The following ADAMTS2 variants were observed in gnomAD, a reference collection of about 807,000 sequenced individuals.
ADAMTS2 encodes the protein A disintegrin and metalloproteinase with thrombospondin motifs 2.
In ADAMTS2, 50 loss-of-function variants were observed where a neutral mutation model predicts 123.0. That is an observed-to-expected ratio of 0.41 (90% CI 0.32 to 0.51). The LOEUF is 0.51. Ranked by LOEUF, ADAMTS2 falls within the 20% of genes least tolerant of loss-of-function variation. ADAMTS2 has a pLI of 0.35. For synonymous variants in ADAMTS2, 678 were observed against 695.4 expected (o/e 0.98, Z 0.39); for missense variants, 1,494 against 1,705.2 (o/e 0.88, Z 2.18).
chr5:179,284,292 G>T (rs1434076186), intron 2 of ADAMTS2, among the ~76,000 whole-genome samples: 1 of 151,802 alleles, frequency 6.6e-6, no homozygotes, highest in Admixed American at 6.6e-5. Context: ...TTGCATCACT[G>T]CACTCCATTC....
Position 179,113,778 on chromosome 5 carries a change from A to T in ADAMTS2, c.*89T>A. On this transcript the variant is annotated 3_prime_UTR_variant, in exon 22 of 22. Transcript: ENST00000251582. ...AAACCTTTTGGAATCAGGAATTTTGACTTCATCTCCATGACACAGGATTTG... is the reference window on the plus strand; with the variant it reads ...AAACCTTTTGGAATCAGGAATTTTGTCTTCATCTCCATGACACAGGATTTG... 7.4e-7 allele frequency: 1 copy of T among 1,355,272 alleles called. No individual in the cohort carries two copies. The highest frequency in any genetic ancestry group is 1.1e-6 in the Non-Finnish European group (1 of 950,186). 84.0% of individuals were successfully genotyped at this position (1,355,272 alleles called of 1,614,324 possible).
chr5:179,125,004 G>A lies in ADAMTS2; in HGVS notation c.2927C>T (p.Pro976Leu). ...SRRACSRELC[P>L]GRWRAGPWSQ... ...CCAGGGCCCGGCTCGCCAACGACCA[G>A]GGCAGAGCTCGCGGCTGCAGGCCCG... Residue 976 changes from proline (P) to leucine (L), a missense_variant, in exon 19 of 22, where the codon CCT (proline) becomes CTT (leucine). Physicochemically the swap from Pro to Leu is moderately conservative, Grantham distance 98 (BLOSUM62 -3). Coordinates refer to ENST00000251582, the MANE Select transcript of ADAMTS2 (RefSeq NM_014244.5). The A allele has an allele frequency of 6.2e-7, 1 of 1,607,234 alleles. No homozygotes were observed. Among genetic ancestry groups the A allele is most frequent in the Non-Finnish European group, 8.5e-7 (1 of 1,178,526 alleles).
At chr5:179,210,956 C>A (rs990420647) in intron 3 of ADAMTS2, among the ~76,000 whole-genome samples, 1 of 152,262 alleles carries the variant, frequency 6.6e-6, no homozygotes, top group Admixed American at 6.5e-5. Flanking sequence ...CTGGCCCTTG[C>A]AGACCTGTTC....
chr5:179,126,308 CG>C (rs914099348), intron 17 of ADAMTS2, among the ~76,000 whole-genome samples, 178 bp from the exon 18 acceptor site: 32 of 152,286 alleles, frequency 2.1e-4, no homozygotes, highest in African/African-American at 7.7e-4. Context: ...TGGTGTGTCC[CG>C]GGTGGAGGGG....
At chr5:179,186,740 C>A (rs1764179967) in intron 4 of ADAMTS2, among the ~76,000 whole-genome samples, 2 of 152,258 alleles carry the variant, frequency 1.3e-5, no homozygotes, top group South Asian at 4.1e-4. Flanking sequence ...CACATGCCTG[C>A]CTCCTGCACA....
In ADAMTS2 at chr5:179,313,660, G is replaced by A. The variant is rs1664548; in HGVS notation, c.534+30107C>T. Reference sequence around the variant, plus strand: ...CACCGAGACAGAGGAGGGCCTGGCCGGAGCAGGGGTGTCAGCAGAGAGGAC... The same window carrying A: ...CACCGAGACAGAGGAGGGCCTGGCCAGAGCAGGGGTGTCAGCAGAGAGGAC... On this transcript the variant is annotated intron_variant, in intron 2 of 21. Transcript: ENST00000251582. Among the ~76,000 whole-genome samples the A allele has an allele frequency of 5.1e-3, 64 of 12,510 alleles. 5 individuals carry two copies. Among genetic ancestry groups the A allele is most frequent in the African/African-American group, 0.01 (54 of 5,344 alleles). 8.2% of individuals were successfully genotyped at this position (12,510 alleles called of 152,430 possible).
At chr5:179,141,927 A>AGAG (rs1485496652) in intron 10 of ADAMTS2, among the ~76,000 whole-genome samples, 1 of 152,100 alleles carries the variant, frequency 6.6e-6, no homozygotes, top group Non-Finnish European at 1.5e-5. Context: ...CTTATAGGGT[A>AGAG]GAGGTTCCAT....
chr5:179,226,120 A>T (rs1330445606), intron 3 of ADAMTS2, among the ~76,000 whole-genome samples: 1 of 152,220 alleles, frequency 6.6e-6, no homozygotes, highest in Non-Finnish European at 1.5e-5. Context: ...TGCGAGGAGG[A>T]CAAGAGAACT....
chr5:179,208,349 G>C (rs11950051), intron 3 of ADAMTS2, among the ~76,000 whole-genome samples: 12 of 152,106 alleles, frequency 7.9e-5, no homozygotes, highest in Admixed American at 6.5e-4. Context: ...CCACTGAAGC[G>C]AGGCCCCACA....
At chr5:179,173,032 C>T (rs1188252770) in intron 5 of ADAMTS2, among the ~76,000 whole-genome samples, 1 of 149,860 alleles carries the variant, frequency 6.7e-6, no homozygotes, top group Non-Finnish European at 1.5e-5. Context: ...GAGTGAGACC[C>T]TGTCTCTACA....
chr5:179,112,432 C>A lies in ADAMTS2; in HGVS notation c.*1435G>T, dbSNP rs1483944171. The A allele has an allele frequency of 6.6e-6, 1 of 152,134 alleles. No homozygotes were observed. The highest frequency in any genetic ancestry group is 6.5e-5 in the Admixed American group (1 of 15,270). The allele number at this position is 152,134 out of a possible 1,614,324, so 9.4% of individuals were successfully genotyped here. ...TCTTCTCCCATCCGCCCCTACTCCC[C>A]CTTCCTCCTATTTCTCTCTTACTCG... is the stretch of plus-strand genomic sequence containing the variant. On this transcript the variant is annotated 3_prime_UTR_variant, in exon 22 of 22. Transcript: ENST00000251582.
chr5:179,124,366 T>C (rs1039584403), intron 19 of ADAMTS2, among the ~76,000 whole-genome samples: 6 of 152,060 alleles, frequency 3.9e-5, no homozygotes, highest in Non-Finnish European at 8.8e-5. Context: ...TCCATCCTCA[T>C]TCTTCCTCCC....
intron 3 of ADAMTS2, among the ~76,000 whole-genome samples, chr5:179,223,389 C>T (rs1427892634): frequency 1.2e-5 from 1 of 86,492 alleles, no homozygotes; most frequent in African/African-American, 4.2e-5. Context: ...CACACGAATG[C>T]ACTCACACAC....
At chr5:179,334,280 C>T (rs939545033) in intron 2 of ADAMTS2, among the ~76,000 whole-genome samples, 1 of 152,134 alleles carries the variant, frequency 6.6e-6, no homozygotes, top group Non-Finnish European at 1.5e-5. Flanking sequence ...TCCCATGGTG[C>T]GTAAATGGGG....
rs1450097151 is a variant in ADAMTS2 at position 179,137,790 on chromosome 5, G to A, written c.1930C>T (p.Leu644=). Residue 644 remains leucine (L), a synonymous_variant, in exon 12 of 22, where the codon CTG becomes TTG. Transcript: ENST00000251582. ...FEHGDAQHHW[L]PHEHRDAKER... ...TCACCATCCCGGTGCTCGTGGGGCA[G>A]CCAGTGGTGCTGGGCGTCGCCGTGC... The A allele has an allele frequency of 3.2e-6, 5 of 1,573,904 alleles. No homozygotes were observed. The highest frequency in any genetic ancestry group is 2.0e-4 in the Middle Eastern group (1 of 4,964).
intron 21 of ADAMTS2, chr5:179,120,718 G>A (rs1762742529): frequency 6.6e-6 from 1 of 152,184 alleles, no homozygotes; most frequent in Non-Finnish European, 1.5e-5. Flanking sequence ...TGGGGCATCA[G>A]GGCAGACTCC....
rs1009993154 is a variant in ADAMTS2, at chr5:179,317,621, C to T, written c.534+26146G>A. ...CAGTGTTGGTGTAATCTATGTCCCC[C>T]GGATGGCCAGCGGGCACAGAGCATA... On this transcript the variant is annotated intron_variant, in intron 2 of 21. Transcript: ENST00000251582. The surrounding 1 kb of genome is among the most constrained non-coding windows in gnomAD (Gnocchi z 4.9). Among the ~76,000 whole-genome samples, 3 of 152,170 alleles carry T rather than the reference C, an allele frequency of 2.0e-5. No individual in the cohort carries two copies. Among genetic ancestry groups the T allele is most frequent in the Admixed American group, 6.5e-5 (1 of 15,274 alleles).
In ADAMTS2 at chr5:179,202,286, G is replaced by GC. The variant is rs1764586456; in HGVS notation, c.891+5226dup. Among the ~76,000 whole-genome samples the GC allele has an allele frequency of 6.6e-6, 1 of 151,884 alleles. No individual in the cohort carries two copies. The highest frequency in any genetic ancestry group is 2.4e-5 in the African/African-American group (1 of 41,320). ...CTGCCTCAGGGCCTTGGCGCCGCCT[G>GC]CCCCCTCCCCCAAACCTGGAACAGG... is the stretch of plus-strand genomic sequence containing the variant. On this transcript the variant is annotated intron_variant, in intron 4 of 21. Coordinates refer to ENST00000251582, the MANE Select transcript of ADAMTS2 (RefSeq NM_014244.5). The surrounding 1 kb of genome is among the most constrained non-coding windows in gnomAD (Gnocchi z 4.0).
intron 3 of ADAMTS2, among the ~76,000 whole-genome samples, chr5:179,251,698 G>T (rs1198222544): frequency 6.6e-6 from 1 of 152,188 alleles, no homozygotes; most frequent in East Asian, 1.9e-4. Flanking sequence ...ATACCTAAGA[G>T]TAATGAACAT....
Sources: allele counts gnomAD v4.1 joint callset (sites outside exome capture counted in the v4.1 genomes callset), GRCh38; gene constraint gnomAD v4.1.1; non-coding constraint Gnocchi (gnomAD v3.1); transcripts MANE v1.5; gene names NCBI Gene and HGNC (gene_info 2026-07-23, HGNC 2026-07-21).